The following KIF18A variants were observed in gnomAD, a reference collection of about 807,000 sequenced individuals.
KIF18A encodes the protein kinesin-like protein KIF18A.
In KIF18A, 67 loss-of-function variants were observed where a neutral mutation model predicts 103.3. The ratio of observed to expected loss-of-function variants is 0.65; its 90% CI spans 0.53 to 0.79. The LOEUF is 0.79. Ranked by LOEUF, KIF18A falls within the 30% of genes least tolerant of loss-of-function variation. The probability of loss-of-function intolerance (pLI) is 0.00; values close to 1 mark genes in which losing one functional copy is unlikely to be tolerated. For synonymous variants in KIF18A, 367 were observed against 355.5 expected (o/e 1.03, Z -0.36); for missense variants, 1,032 against 1,062.5 (o/e 0.97, Z 0.40).
chr11:28,083,328 C>A, intron 7 of KIF18A, 85 bp from the exon 8 acceptor site: 1 of 1,358,786 alleles, frequency 7.4e-7, no homozygotes, highest in Non-Finnish European at 9.7e-7. Flanking sequence ...ATTGCATTTT[C>A]ATTGAGTTCC....
intron 2 of KIF18A, 96 bp from the exon 3 acceptor site, chr11:28,094,896 C>G (rs1261008943): frequency 2.4e-6 from 3 of 1,231,796 alleles, no homozygotes; most frequent in Non-Finnish European, 3.5e-6. Context: ...ATATCCTGAA[C>G]AGTATCTTTA....
intron 1 of KIF18A, among the ~76,000 whole-genome samples, chr11:28,098,993 C>A (rs751364742): frequency 4.6e-5 from 7 of 151,986 alleles, no homozygotes; most frequent in Non-Finnish European, 8.8e-5. Flanking sequence ...GAGTATATAT[C>A]CAAAGGAATT....
chr11:28,022,379 C>T (rs1409092389), intron 16 of KIF18A, among the ~76,000 whole-genome samples: 1 of 151,986 alleles, frequency 6.6e-6, no homozygotes, highest in Non-Finnish European at 1.5e-5. Context: ...ATTCTCCTGC[C>T]TCAGCTTCCC....
chr11:28,059,574 G>A (rs1341853714), intron 12 of KIF18A, among the ~76,000 whole-genome samples: 1 of 152,062 alleles, frequency 6.6e-6, no homozygotes, highest in Non-Finnish European at 1.5e-5. Flanking sequence ...TGGGACCACA[G>A]ATGTGTGCCA....
At chr11:28,065,970 A>G (rs1035261973) in intron 11 of KIF18A, among the ~76,000 whole-genome samples, 1 of 152,054 alleles carries the variant, frequency 6.6e-6, no homozygotes, top group African/African-American at 2.4e-5. Flanking sequence ...TTTATTTTAT[A>G]TTTTACTACA....
chr11:28,106,208 G>A (rs763999058), intron 1 of KIF18A, among the ~76,000 whole-genome samples: 14 of 152,072 alleles, frequency 9.2e-5, no homozygotes, highest in Non-Finnish European at 1.9e-4. Flanking sequence ...ACTCCTTAAC[G>A]GGTACAAATC....
chr11:28,048,921 T>A (rs1189781761), intron 13 of KIF18A, among the ~76,000 whole-genome samples: 1 of 152,008 alleles, frequency 6.6e-6, no homozygotes, highest in East Asian at 1.9e-4. Context: ...ACAGAAATCA[T>A]GATAACAGAA....
Position 28,090,702 on chromosome 11 carries a change from T to C in KIF18A, c.614A>G (p.His205Arg). 1.2e-6 allele frequency: 2 copies of C among 1,605,684 alleles called. No homozygotes were observed. Among genetic ancestry groups the C allele is most frequent in the Non-Finnish European group, 8.5e-7 (1 of 1,173,510 alleles). ...HQPKSSEEILHLLDNGNKNRT... is the reference protein window; with the variant it reads ...HQPKSSEEILRLLDNGNKNRT... ...GTTTTTGTTTCCATTATCCAATAAATGTAAAATTTCTTCTGAGGATTTGGG... is the reference window on the plus strand; with the variant it reads ...GTTTTTGTTTCCATTATCCAATAAACGTAAAATTTCTTCTGAGGATTTGGG... The change falls in exon 5 of 17, where the codon CAT becomes CGT. Residue 205 changes from histidine (H) to arginine (R), a missense_variant. By Grantham distance (29) the His-to-Arg change is conservative. Transcript: ENST00000263181.
At position 28,091,359 on chromosome 11, in the gene KIF18A, AAT is replaced by A. The variant is rs977626632; in HGVS notation, c.588+48_588+49del. ...AGTGCATGGCTGGTGAAAATAGCTT[AAT>A]AGTCACATTTGCTATTCTAACAGGG... On this transcript the variant is annotated intron_variant, in intron 4 of 16. Coordinates refer to ENST00000263181, the MANE Select transcript of KIF18A (RefSeq NM_031217.4). 3.1e-6 allele frequency: 3 copies of A among 982,126 alleles called. No individual in the cohort carries two copies. The African/African-American group carries it at 4.9e-5, about 16-fold the overall frequency. The allele number at this position is 982,126 out of a possible 1,614,324, so 60.8% of individuals were successfully genotyped here. A position where few individuals can be genotyped will look rare whatever the true frequency, so the allele number is the denominator to read the frequency against.
intron 10 of KIF18A, among the ~76,000 whole-genome samples, chr11:28,070,267 T>C (rs1284413787): frequency 2.0e-5 from 3 of 152,188 alleles, no homozygotes; most frequent in Non-Finnish European, 4.4e-5. Context: ...CTCCCCCTCT[T>C]TGGGAGATAA....
chr11:28,096,344 A>C lies in KIF18A; in HGVS notation c.325+1279T>G, dbSNP rs937863886. Among the ~76,000 whole-genome samples, 17 of 152,168 alleles carry C rather than the reference A, an allele frequency of 1.1e-4. No homozygotes were observed. In the East Asian group the frequency reaches 3.3e-3, roughly 29 times the overall value. ...CTGTCTGCTAAACCAAATGTTAACA[A>C]ACCACAAAAATACTTTTCAGTAGGA... On this transcript the variant is annotated intron_variant, in intron 2 of 16. Transcript: ENST00000263181.
chr11:28,076,142 T>A (rs1481488246), intron 10 of KIF18A, among the ~76,000 whole-genome samples: 1 of 152,054 alleles, frequency 6.6e-6, no homozygotes, highest in Non-Finnish European at 1.5e-5. Flanking sequence ...AGTAGTGATG[T>A]AATCAAAGTT....
chr11:28,104,870 C>T (rs2133572114), intron 1 of KIF18A, among the ~76,000 whole-genome samples: 1 of 152,198 alleles, frequency 6.6e-6, no homozygotes, highest in Middle Eastern at 3.4e-3. Flanking sequence ...TATGCATGGT[C>T]ATTCCCAGAA....
At chr11:28,032,074 A>G (rs924713865) in intron 15 of KIF18A, among the ~76,000 whole-genome samples, 5 of 151,100 alleles carry the variant, frequency 3.3e-5, no homozygotes, top group African/African-American at 1.2e-4. Context: ...AAAAATCAGT[A>G]GCATATCTAT....
chr11:28,028,183 A>G (rs1171331471), intron 15 of KIF18A, among the ~76,000 whole-genome samples: 2 of 152,118 alleles, frequency 1.3e-5, no homozygotes, highest in African/African-American at 2.4e-5. Context: ...CGGACTTAAT[A>G]GACGTCTACA....
At chr11:28,065,149 T>C (rs1336407000) in intron 11 of KIF18A, among the ~76,000 whole-genome samples, 2 of 151,748 alleles carry the variant, frequency 1.3e-5, no homozygotes, top group Non-Finnish European at 2.9e-5. Flanking sequence ...TATTGAAGAG[T>C]AAATAATGCA....
intron 13 of KIF18A, among the ~76,000 whole-genome samples, chr11:28,057,833 A>T (rs1250966523): frequency 6.6e-6 from 1 of 152,122 alleles, no homozygotes; most frequent in African/African-American, 2.4e-5. Context: ...CAAAAACAAT[A>T]AAAAAATGAG....
chr11:28,061,563 T>C (rs1000629583), intron 12 of KIF18A, among the ~76,000 whole-genome samples: 1 of 152,114 alleles, frequency 6.6e-6, no homozygotes, highest in Non-Finnish European at 1.5e-5. Flanking sequence ...GAATATTCAA[T>C]ATCTGCTCTA....
intron 10 of KIF18A, among the ~76,000 whole-genome samples, chr11:28,069,748 T>G (rs1590693677): frequency 6.6e-6 from 1 of 152,070 alleles, no homozygotes; most frequent in East Asian, 1.9e-4. Flanking sequence ...TTTGAAAAGT[T>G]CATACAAGGT....
Sources: gnomAD v4.1 joint callset for allele counts (sites outside exome capture counted in the v4.1 genomes callset) on GRCh38, gnomAD v4.1.1 for gene constraint, MANE v1.5 for transcripts, NCBI Gene and HGNC (gene_info 2026-07-23, HGNC 2026-07-21) for gene names.